PRKN: variants seen among roughly 807,000 people sequenced by gnomAD.
The protein encoded by PRKN is parkin RBR E3 ubiquitin protein ligase.
A neutral mutation model predicts 59.5 loss-of-function variants in PRKN; 56 were observed. The ratio of observed to expected loss-of-function variants is 0.94; its 90% CI spans 0.76 to 1.18. PRKN has a LOEUF of 1.18. Among genes scored for constraint, PRKN ranks in the 50% most tolerant of loss-of-function variants. The pLI is 0.00. For missense variants in PRKN, 657 were observed against 596.4 expected (o/e 1.10, Z -1.06); for synonymous variants, 250 against 222.1 (o/e 1.13, Z -1.12).
At chr6:162,468,383 G>GA (rs2128176873) in intron 1 of PRKN, among the ~76,000 whole-genome samples, 1 of 152,294 alleles carries the variant, frequency 6.6e-6, no homozygotes, top group African/African-American at 2.4e-5. Flanking sequence ...TGGACTGAGA[G>GA]AAAAATGAAT....
intron 3 of PRKN, among the ~76,000 whole-genome samples, chr6:162,234,099 A>T (rs112033253): frequency 2.2e-4 from 33 of 152,318 alleles, no homozygotes; most frequent in African/African-American, 7.9e-4. Flanking sequence ...GAATCATAGT[A>T]TTGAACCTAA....
intron 1 of PRKN, among the ~76,000 whole-genome samples, chr6:162,521,816 GCTTA>G (rs1337977558): frequency 1.3e-5 from 2 of 152,164 alleles, no homozygotes; most frequent in Admixed American, 6.5e-5. Context: ...AAAAATCACA[GCTTA>G]CTTAATAAAA....
chr6:162,373,796 T>C (rs1387688151), intron 2 of PRKN, among the ~76,000 whole-genome samples: 2 of 152,140 alleles, frequency 1.3e-5, no homozygotes, highest in Non-Finnish European at 2.9e-5. Flanking sequence ...AAAAATTATA[T>C]TTAATAGAGT....
At chr6:162,643,621 T>A (rs571636616) in intron 1 of PRKN, among the ~76,000 whole-genome samples, 2 of 152,206 alleles carry the variant, frequency 1.3e-5, no homozygotes, top group South Asian at 4.1e-4. Flanking sequence ...CCAGTGTTCA[T>A]AAGTTTATCA....
rs769301504 is a variant in PRKN, at chr6:161,747,984, A to G, written c.871+37788T>C. On this transcript the variant is annotated intron_variant, in intron 7 of 11. Transcript: ENST00000366898. ...TTATGTGGATTTATTTTTGGGATTT[A>G]TTGCTCTTGTCTTTCGGTGGCATTT... 4.8e-4 allele frequency among the ~76,000 whole-genome samples: 73 copies of G among 152,248 alleles called. 1 individual carries two copies. Among genetic ancestry groups the G allele is most frequent in the Admixed American group, 2.1e-3 (32 of 15,292 alleles).
intron 4 of PRKN, among the ~76,000 whole-genome samples, chr6:162,086,745 A>G (rs1779261904): frequency 6.6e-6 from 1 of 152,200 alleles, no homozygotes; most frequent in Non-Finnish European, 1.5e-5. Flanking sequence ...TCTCCTTAGT[A>G]GCATTTATCT....
At chr6:162,546,403 G>A (rs927120088) in intron 1 of PRKN, among the ~76,000 whole-genome samples, 26 of 151,376 alleles carry the variant, frequency 1.7e-4, no homozygotes, top group Admixed American at 1.6e-3. Flanking sequence ...GCACCAGGTC[G>A]GTGTGCAGTT....
intron 7 of PRKN, among the ~76,000 whole-genome samples, chr6:161,655,175 C>A (rs542330057): frequency 1.5e-5 from 2 of 136,944 alleles, no homozygotes; most frequent in African/African-American, 6.6e-5. Context: ...CCCACCCAGG[C>A]TCTCAGCATC....
rs1007489914 is a variant in PRKN at position 161,359,182 on chromosome 6, A to T, written c.1285+906T>A. On this transcript the variant is annotated intron_variant, in intron 11 of 11. Transcript: ENST00000366898. The surrounding 1 kb of genome is among the most constrained non-coding windows in gnomAD (Gnocchi z 5.4). ...TGGAGTAATAAGGACACGCTGGGTA[A>T]ATTATTTATTTTCTCTGCAGGAAGC... Among the ~76,000 whole-genome samples the T allele has an allele frequency of 3.3e-5, 5 of 152,168 alleles. No individual in the cohort carries two copies. The highest frequency in any genetic ancestry group is 7.3e-5 in the Non-Finnish European group (5 of 68,032).
intron 1 of PRKN, among the ~76,000 whole-genome samples, chr6:162,608,802 A>G (rs540415267): frequency 1.3e-5 from 2 of 152,260 alleles, no homozygotes; most frequent in East Asian, 3.9e-4. Context: ...GTCTCAGTAG[A>G]AAAATCATGC....
intron 9 of PRKN, among the ~76,000 whole-genome samples, chr6:161,412,949 T>A (rs1285079185): frequency 2.0e-5 from 3 of 152,238 alleles, no homozygotes; most frequent in African/African-American, 7.2e-5. Flanking sequence ...AAGCAGCAGC[T>A]ATGCACGTGT....
At chr6:162,039,335 A>T (rs1435668339) in intron 5 of PRKN, among the ~76,000 whole-genome samples, 3 of 152,072 alleles carry the variant, frequency 2.0e-5, no homozygotes, top group Non-Finnish European at 4.4e-5. Context: ...CGGCCCCACC[A>T]AGTCTTCTGT....
At chr6:161,960,393 G>A (rs1780337482) in intron 6 of PRKN, among the ~76,000 whole-genome samples, 2 of 152,174 alleles carry the variant, frequency 1.3e-5, no homozygotes, top group Non-Finnish European at 2.9e-5. Flanking sequence ...TCTTAGCAGT[G>A]AGTAAAGAAT....
At chr6:162,109,670 A>G (rs1780339307) in intron 4 of PRKN, among the ~76,000 whole-genome samples, 1 of 152,210 alleles carries the variant, frequency 6.6e-6, no homozygotes, top group African/African-American at 2.4e-5. Flanking sequence ...TCTGCTATTT[A>G]TAGTCTGATA....
chr6:161,870,217 C>T (rs1001191849), intron 6 of PRKN, among the ~76,000 whole-genome samples: 2 of 152,068 alleles, frequency 1.3e-5, no homozygotes, highest in Non-Finnish European at 2.9e-5. Context: ...GGGCTGTTCT[C>T]AGAGTGCCTA....
intron 7 of PRKN, among the ~76,000 whole-genome samples, chr6:161,740,260 C>T (rs79152937): frequency 0.026 from 3,929 of 152,270 alleles, 179 homozygotes; most frequent in African/African-American, 0.09. Flanking sequence ...TATGGATCCT[C>T]GAATGGGAGC....
chr6:161,987,554 G>A (rs2128256663), intron 5 of PRKN, among the ~76,000 whole-genome samples: 1 of 152,326 alleles, frequency 6.6e-6, no homozygotes, highest in Non-Finnish European at 1.5e-5. Flanking sequence ...TCCAGATCAT[G>A]TAGAATACCT....
chr6:162,554,689 C>T (rs1303618900), intron 1 of PRKN, among the ~76,000 whole-genome samples: 1 of 152,112 alleles, frequency 6.6e-6, no homozygotes, highest in Non-Finnish European at 1.5e-5. Context: ...TTTACTAGAG[C>T]CATGGGAATG....
intron 3 of PRKN, among the ~76,000 whole-genome samples, chr6:162,223,612 GACACACAC>G (rs34881644): frequency 2.3e-3 from 294 of 129,298 alleles, no homozygotes; most frequent in Middle Eastern, 0.019. Context: ...ATAGACACGT[GACACACAC>G]ACACACACAC....
Sources: gnomAD v4.1 joint callset for allele counts (sites outside exome capture counted in the v4.1 genomes callset) on GRCh38, gnomAD v4.1.1 for gene constraint, Gnocchi (gnomAD v3.1) non-coding constraint, MANE v1.5 for transcripts, NCBI Gene and HGNC (gene_info 2026-07-23, HGNC 2026-07-21) for gene names.